SUCLG2: variants seen among roughly 807,000 people sequenced by gnomAD.
The protein encoded by SUCLG2 is succinate-CoA ligase GDP-forming subunit beta.
Under a neutral mutation model 47.9 loss-of-function variants are expected in SUCLG2, and 42 were observed. That is an observed-to-expected ratio of 0.88 (90% CI 0.69 to 1.14). SUCLG2 has a LOEUF of 1.14. Ranked by LOEUF, SUCLG2 falls within the 50% of genes most tolerant of loss-of-function variation. The pLI is 0.00. For missense variants in SUCLG2, 571 were observed against 525.9 expected (o/e 1.09, Z -0.84); for synonymous variants, 195 against 197.3 (o/e 0.99, Z 0.10).
At chr3:67,495,627 G>A (rs1326539071) in intron 9 of SUCLG2, among the ~76,000 whole-genome samples, 171 bp downstream of exon 9, 1 of 149,836 alleles carries the variant, frequency 6.7e-6, no homozygotes, top group Non-Finnish European at 1.5e-5. Context: ...ACTCCAGCCT[G>A]GGCAACGGAG....
At chr3:67,476,453 T>C (rs1704760113) in intron 9 of SUCLG2, among the ~76,000 whole-genome samples, 1 of 152,076 alleles carries the variant, frequency 6.6e-6, no homozygotes, top group Admixed American at 6.5e-5. Flanking sequence ...CACTACCAGA[T>C]GGGACGATCT....
At chr3:67,434,431 G>A (rs1163834703) in intron 9 of SUCLG2, among the ~76,000 whole-genome samples, 1 of 152,170 alleles carries the variant, frequency 6.6e-6, no homozygotes, top group Non-Finnish European at 1.5e-5. Context: ...GGAGGCTGAG[G>A]TGGGAGGATT....
At chr3:67,438,046 C>T (rs1414525223) in intron 9 of SUCLG2, among the ~76,000 whole-genome samples, 1 of 152,124 alleles carries the variant, frequency 6.6e-6, no homozygotes, top group Non-Finnish European at 1.5e-5. Context: ...TGGCTCAGTG[C>T]AATCAAATCA....
chr3:67,482,825 G>A (rs903636019), intron 9 of SUCLG2, among the ~76,000 whole-genome samples: 4 of 152,156 alleles, frequency 2.6e-5, no homozygotes, highest in Non-Finnish European at 5.9e-5. Context: ...AAGGTCAAGG[G>A]TTAAAGCTCC....
At chr3:67,562,579 C>A (rs980012210) in intron 2 of SUCLG2, among the ~76,000 whole-genome samples, 1 of 152,070 alleles carries the variant, frequency 6.6e-6, no homozygotes, top group Non-Finnish European at 1.5e-5. Context: ...CGCCCGGCCT[C>A]CAATTTAGAT....
rs1701803851 is a variant in SUCLG2, at chr3:67,361,547, C to T, written c.1184-779G>A. 2.0e-5 allele frequency among the ~76,000 whole-genome samples: 3 copies of T among 152,130 alleles called. No homozygotes were observed. The South Asian group carries it at 6.2e-4, about 32-fold the overall frequency. On this transcript the variant is annotated intron_variant, in intron 10 of 10. Transcript: ENST00000493112. ...GGCAGGGCTCAGGAGACAGACGAGA[C>T]AGATTTCTACCCTCGACTTGAAAAT...
intron 9 of SUCLG2, among the ~76,000 whole-genome samples, chr3:67,442,456 T>C (rs555438294): frequency 6.6e-5 from 10 of 152,276 alleles, no homozygotes; most frequent in Admixed American, 5.2e-4. Flanking sequence ...AATTGGAATC[T>C]CTAAAGGTGG....
chr3:67,552,662 C>T (rs1488731992), intron 2 of SUCLG2, among the ~76,000 whole-genome samples: 1 of 152,196 alleles, frequency 6.6e-6, no homozygotes, highest in Non-Finnish European at 1.5e-5. Context: ...CTGGATAAGT[C>T]ACTTAACCTC....
chr3:67,547,720 C>T (rs558433433), intron 2 of SUCLG2, among the ~76,000 whole-genome samples: 11 of 152,256 alleles, frequency 7.2e-5, no homozygotes, highest in Non-Finnish European at 1.0e-4. Flanking sequence ...ACAATTTTCA[C>T]GAATCAACTA....
At chr3:67,457,788 T>A (rs1337918651) in intron 9 of SUCLG2, among the ~76,000 whole-genome samples, 2 of 149,584 alleles carry the variant, frequency 1.3e-5, no homozygotes, top group African/African-American at 5.0e-5. Context: ...TATGGGACCT[T>A]TACCATGCAT....
At chr3:67,578,723 G>A (rs761777661) in intron 2 of SUCLG2, among the ~76,000 whole-genome samples, 1 of 152,164 alleles carries the variant, frequency 6.6e-6, no homozygotes, top group Non-Finnish European at 1.5e-5. Flanking sequence ...GAAGAAGGGT[G>A]GAGATGAGGA....
intron 10 of SUCLG2, among the ~76,000 whole-genome samples, chr3:67,361,928 A>G (rs1252614220): frequency 6.6e-6 from 1 of 152,174 alleles, no homozygotes; most frequent in Non-Finnish European, 1.5e-5. Flanking sequence ...GATGAGACAT[A>G]CAGAACAGAG....
At chr3:67,625,434 A>T (rs1559602364) in intron 1 of SUCLG2, among the ~76,000 whole-genome samples, 1 of 152,166 alleles carries the variant, frequency 6.6e-6, no homozygotes, top group Non-Finnish European at 1.5e-5. Flanking sequence ...TGAGAAATGC[A>T]CCACAGTGGG....
chr3:67,374,957 G>C lies in SUCLG2; in HGVS notation c.*787C>G. On this transcript the variant is annotated 3_prime_UTR_variant, in exon 11 of 11. Transcript: ENST00000307227. The stretch of plus-strand genomic sequence containing the variant: ...TACTAAACACAATTTGATCTTCAGT[G>C]TTGTCTCATCTTGAAATATCTTAAT... 1.0e-6 allele frequency: 1 copy of C among 985,752 alleles called. No homozygotes were observed. Among genetic ancestry groups the C allele is most frequent in the Non-Finnish European group, 1.2e-6 (1 of 829,906 alleles). The allele number at this position is 985,752 out of a possible 1,614,324, so 61.1% of individuals were successfully genotyped here.
At chr3:67,449,735 C>A (rs1465484406) in intron 9 of SUCLG2, among the ~76,000 whole-genome samples, 1 of 151,882 alleles carries the variant, frequency 6.6e-6, no homozygotes, top group Non-Finnish European at 1.5e-5. Context: ...ACGCTCAGCC[C>A]CCTGAGTAGC....
At chr3:67,592,740 CAAAAA>C (rs1187452813) in intron 2 of SUCLG2, among the ~76,000 whole-genome samples, 1 of 51,848 alleles carries the variant, frequency 1.9e-5, no homozygotes, top group Non-Finnish European at 4.7e-5. Flanking sequence ...AAAAAAACAA[CAAAAA>C]AAAACTGAAT....
chr3:67,597,832 G>A lies in SUCLG2; in HGVS notation c.226+11623C>T, dbSNP rs182700868. On this transcript the variant is annotated intron_variant, in intron 2 of 10. Transcript: ENST00000307227. ...GGGTGCCTGTAGTCCCAGCTACCCC[G>A]GAGGCTGAGGGAGGAGAATCGCTTG... is the stretch of plus-strand genomic sequence containing the variant. Among the ~76,000 whole-genome samples, 259 of 151,456 alleles carry A rather than the reference G, an allele frequency of 1.7e-3. 2 individuals carry two copies. The East Asian group carries it at 0.029, about 17-fold the overall frequency.
chr3:67,384,528 T>C (rs575481621), intron 10 of SUCLG2, among the ~76,000 whole-genome samples: 5 of 152,336 alleles, frequency 3.3e-5, no homozygotes, highest in African/African-American at 1.2e-4. Flanking sequence ...TCCTGCCCTT[T>C]ACAGAAAAAG....
At chr3:67,575,902 A>G (rs4856790) in intron 2 of SUCLG2, among the ~76,000 whole-genome samples, 40,521 of 152,088 alleles carry the variant, frequency 0.27, 6,187 homozygotes, top group East Asian at 0.42. Context: ...AGTGGATTCT[A>G]GGGGCAGCTG....
Sources: gnomAD v4.1 joint callset for allele counts (sites outside exome capture counted in the v4.1 genomes callset) on GRCh38, gnomAD v4.1.1 for gene constraint, MANE v1.5 for transcripts, NCBI Gene and HGNC (gene_info 2026-07-23, HGNC 2026-07-21) for gene names.